Variants in RAB27B observed in about 807,000 individuals in gnomAD.
RAB27B encodes RAB27B, member RAS oncogene family.
RAB27B carries 15 observed loss-of-function variants against 24.6 expected under a neutral mutation model. The observed-to-expected ratio is 0.61, with a 90% CI of 0.41 to 0.94. The LOEUF (loss-of-function observed/expected upper bound fraction) is 0.94. Among genes scored for constraint, RAB27B ranks in the 40% least tolerant of loss-of-function variants. The probability of loss-of-function intolerance (pLI) is 0.00; values close to 1 mark genes in which losing one functional copy is unlikely to be tolerated. For missense variants in RAB27B, 261 were observed against 266.8 expected (o/e 0.98, Z 0.15); for synonymous variants, 105 against 92.5 (o/e 1.14, Z -0.78).
chr18:54,862,226 G>A (rs1374298109), intron 1 of RAB27B, among the ~76,000 whole-genome samples: 1 of 152,160 alleles, frequency 6.6e-6, no homozygotes, highest in Non-Finnish European at 1.5e-5. Context: ...TGTTTTGAGT[G>A]AGTAAAATTA....
At chr18:54,887,776 A>G (rs551914974) in intron 4 of RAB27B, among the ~76,000 whole-genome samples, 142 of 152,302 alleles carry the variant, frequency 9.3e-4, no homozygotes, top group African/African-American at 3.2e-3. Context: ...TGTTTCATAT[A>G]TATTATTAGT....
chr18:54,780,298 A>G (rs755448565), intron 2 of RAB27B, among the ~76,000 whole-genome samples: 3 of 99,224 alleles, frequency 3.0e-5, no homozygotes, highest in Non-Finnish European at 5.6e-5. Flanking sequence ...CCGCATCCTG[A>G]CAGTGTCTCC....
chr18:54,791,841 C>G (rs1909257664), intron 2 of RAB27B, among the ~76,000 whole-genome samples: 2 of 152,190 alleles, frequency 1.3e-5, no homozygotes, highest in African/African-American at 2.4e-5. Flanking sequence ...CTGGCACATG[C>G]TGGCAAGCCA....
At chr18:54,866,112 C>G (rs2145247632) in intron 1 of RAB27B, among the ~76,000 whole-genome samples, 1 of 151,974 alleles carries the variant, frequency 6.6e-6, no homozygotes, top group African/African-American at 2.4e-5. Context: ...AAAACAGAAT[C>G]ACTATGAGTG....
intron 2 of RAB27B, among the ~76,000 whole-genome samples, chr18:54,788,697 T>C (rs1306953328): frequency 6.6e-6 from 1 of 152,150 alleles, no homozygotes; most frequent in Non-Finnish European, 1.5e-5. Context: ...TAAAGTAATA[T>C]TAGAAAAAGA....
chr18:54,764,954 G>A (rs1278726357), intron 2 of RAB27B, among the ~76,000 whole-genome samples: 1 of 152,012 alleles, frequency 6.6e-6, no homozygotes, highest in Non-Finnish European at 1.5e-5. Context: ...AAATCCTCCA[G>A]TTCTTATCCA....
chr18:54,851,123 T>C (rs1234790909), intron 1 of RAB27B, among the ~76,000 whole-genome samples: 1 of 152,148 alleles, frequency 6.6e-6, no homozygotes, highest in Non-Finnish European at 1.5e-5. Flanking sequence ...TAATATTCTA[T>C]ATATATCTAC....
rs1913301174 is a variant in RAB27B at position 54,889,917 on chromosome 18, A to C, written c.*504A>C. ...GAAGAATTCTATTTGGCTAATTAAGAATGATATACTATGTACACCCAATAA... is the reference window on the plus strand; with the variant it reads ...GAAGAATTCTATTTGGCTAATTAAGCATGATATACTATGTACACCCAATAA... On this transcript the variant is annotated 3_prime_UTR_variant, in exon 6 of 6. Transcript: ENST00000262094. The C allele has an allele frequency of 6.5e-6, 1 of 152,984 alleles. No individual in the cohort carries two copies. Among genetic ancestry groups the C allele is most frequent in the Non-Finnish European group, 1.5e-5 (1 of 68,678 alleles). The allele number at this position is 152,984 out of a possible 1,614,324, so 9.5% of individuals were successfully genotyped here.
At chr18:54,802,470 T>C (rs1598915133) in intron 2 of RAB27B, among the ~76,000 whole-genome samples, 2 of 152,274 alleles carry the variant, frequency 1.3e-5, no homozygotes, top group Admixed American at 1.3e-4. Context: ...ATCTCTTAAT[T>C]TATGTCCAAG....
intron 2 of RAB27B, among the ~76,000 whole-genome samples, chr18:54,804,892 C>CTCTT (rs772198005): frequency 0.17 from 8,209 of 47,720 alleles, 496 homozygotes; most frequent in Non-Finnish European, 0.24. Flanking sequence ...TTCTTTCTTT[C>CTCTT]TCTTTCTCTC....
intron 2 of RAB27B, among the ~76,000 whole-genome samples, chr18:54,792,609 A>G (rs1909285554): frequency 1.3e-5 from 2 of 152,170 alleles, no homozygotes; most frequent in Non-Finnish European, 2.9e-5. Context: ...TTTCTAAATA[A>G]TCGTATTATT....
intron 5 of RAB27B, 62 bp from the exon 6 acceptor site, chr18:54,889,162 A>C: frequency 6.9e-7 from 1 of 1,455,344 alleles, no homozygotes; most frequent in Non-Finnish European, 9.2e-7. Context: ...TCACTTGTAC[A>C]TCTTGCTGTA....
At position 54,884,575 on chromosome 18, in the gene RAB27B, TGTGTCACC is replaced by T. The variant is rs375297974; in HGVS notation, c.343+140_343+147del. ...ATGAGTTTAGTGTTGCCTGTGCCACTGTGTCACCTTCAAAGTGGTGGCCTTTATGTGGA... is the reference window on the plus strand; with the variant it reads ...ATGAGTTTAGTGTTGCCTGTGCCACTTTCAAAGTGGTGGCCTTTATGTGGA... On this transcript the variant is annotated intron_variant, in intron 4 of 5. Transcript: ENST00000262094. 1,055 of 572,276 alleles carry T rather than the reference TGTGTCACC, an allele frequency of 1.8e-3. 17 individuals carry two copies. Among genetic ancestry groups the T allele is most frequent in the South Asian group, 0.016 (691 of 43,620 alleles). The allele number at this position is 572,276 out of a possible 1,614,324, so 35.4% of individuals were successfully genotyped here. A position where few individuals can be genotyped will look rare whatever the true frequency, so the allele number is the denominator to read the frequency against.
intron 2 of RAB27B, among the ~76,000 whole-genome samples, chr18:54,800,519 T>C (rs1024139817): frequency 1.3e-5 from 2 of 152,254 alleles, no homozygotes; most frequent in African/African-American, 4.8e-5. Flanking sequence ...CCATTTCATT[T>C]TAATTTGCAT....
chr18:54,841,165 G>GGGGGT (rs1454372577), intron 1 of RAB27B, among the ~76,000 whole-genome samples: 1 of 121,480 alleles, frequency 8.2e-6, no homozygotes, highest in Non-Finnish European at 1.8e-5. Flanking sequence ...GGGGCGGTGG[G>GGGGGT]GGGTTTGGTG....
chr18:54,739,612 G>A (rs971787374), intron 2 of RAB27B, among the ~76,000 whole-genome samples: 1 of 142,454 alleles, frequency 7.0e-6, no homozygotes, highest in Non-Finnish European at 1.5e-5. Context: ...AAATCTTTGT[G>A]TGGCACATTT....
upstream of RAB27B, among the ~76,000 whole-genome samples, chr18:54,826,696 C>T (rs1307359489): frequency 6.6e-6 from 1 of 152,158 alleles, no homozygotes; most frequent in Non-Finnish European, 1.5e-5. Flanking sequence ...TGAGGTAGTA[C>T]AACACAGTGA....
At chr18:54,807,315 G>A (rs1909822297) in intron 2 of RAB27B, among the ~76,000 whole-genome samples, 1 of 152,188 alleles carries the variant, frequency 6.6e-6, no homozygotes, top group African/African-American at 2.4e-5. Flanking sequence ...TGCTGCATCA[G>A]TATTTTGGGA....
chr18:54,877,425 T>C, intron 1 of RAB27B, 142 bp from the exon 2 acceptor site: 2 of 607,478 alleles, frequency 3.3e-6, no homozygotes, highest in South Asian at 8.9e-5. Flanking sequence ...TAAAGCTGCT[T>C]TGATCAAGTT....
Sources: allele counts gnomAD v4.1 joint callset (sites outside exome capture counted in the v4.1 genomes callset), GRCh38; gene constraint gnomAD v4.1.1; transcripts MANE v1.5; gene names NCBI Gene and HGNC (gene_info 2026-07-23, HGNC 2026-07-21).